Variants in UBA1 observed in about 807,000 individuals in gnomAD.
UBA1 encodes the protein ubiquitin like modifier activating enzyme 1, also known as ubiquitin-like modifier-activating enzyme 1.
UBA1 carries 4 observed loss-of-function variants against 84.7 expected under a neutral mutation model. The ratio of observed to expected loss-of-function variants is 0.05; its 90% CI spans 0.02 to 0.11. The LOEUF (loss-of-function observed/expected upper bound fraction) is 0.11, where lower values mean the gene tolerates loss of function less well. Ranked by LOEUF, UBA1 falls within the 10% of genes least tolerant of loss-of-function variation. The probability of loss-of-function intolerance (pLI) is 1.00; values close to 1 mark genes in which losing one functional copy is unlikely to be tolerated. For missense variants in UBA1, 513 were observed against 902.8 expected, an observed-to-expected ratio of 0.57 and a Z score of 5.53; for synonymous variants, 364 against 362.6, an observed-to-expected ratio of 1.00 and a Z score of -0.04.
In UBA1 at chrX:47,201,376, C is replaced by A. The variant is rs1556787933; in HGVS notation, c.678+10C>A. The A allele has an allele frequency of 1.7e-6, 2 of 1,208,813 alleles. No homozygotes were observed. Among genetic ancestry groups the A allele is most frequent in the Non-Finnish European group, 2.2e-6 (2 of 893,463 alleles). On this transcript the variant is annotated intron_variant, in intron 7 of 25. Coordinates refer to ENST00000335972, the MANE Select transcript of UBA1 (RefSeq NM_003334.4). ...TTCTATGGTTACCAAGGTAAGGAGA[C>A]CAGCCCTAGGGTTCCTGGCAGGCAG...
rs1057515900 is a variant in UBA1 at position 47,215,052 on chromosome X, C to A, written c.*123C>A. 2.0e-6 allele frequency: 2 copies of A among 1,014,472 alleles called. No individual in the cohort carries two copies. Among genetic ancestry groups the A allele is most frequent in the Non-Finnish European group, 2.7e-6 (2 of 732,062 alleles). The allele number at this position is 1,014,472 out of a possible 1,213,427, so 83.6% of individuals were successfully genotyped here. On this transcript the variant is annotated 3_prime_UTR_variant, in exon 26 of 26. Coordinates refer to ENST00000335972, the MANE Select transcript of UBA1 (RefSeq NM_003334.4). ...CAAGTCTGGTGTTCCCTCATCATCCCCCTACCTGAACCCCTCTTGCCACTG... is the reference window on the plus strand; with the variant it reads ...CAAGTCTGGTGTTCCCTCATCATCCACCTACCTGAACCCCTCTTGCCACTG...
chrX:47,209,568 C>T (rs781931837), intron 16 of UBA1, 55 bp from the exon 17 acceptor site: 19 of 1,114,639 alleles, frequency 1.7e-5, no homozygotes, highest in African/African-American at 1.6e-4. Flanking sequence ...ATAATGCCTG[C>T]GGAAACCCAT....
In UBA1 at chrX:47,213,080, G is replaced by A; in HGVS notation, c.2737G>A (p.Val913Met). 1 of 1,212,144 alleles carries A rather than the reference G, an allele frequency of 8.2e-7. No homozygotes were observed. Among genetic ancestry groups the A allele is most frequent in the Non-Finnish European group, 1.1e-6 (1 of 895,592 alleles). ...TGTGTGTCTGGAGCTGTACAAGGTT[G>A]TGCAGGGGCACCGACAGCTTGACTC... ...GLVCLELYKVVQGHRQLDSYK... is the reference protein window; with the variant it reads ...GLVCLELYKVMQGHRQLDSYK... The change falls in exon 23 of 26, where the codon GTG becomes ATG. Residue 913 changes from valine to methionine, a missense_variant. By Grantham distance (21) the Val-to-Met change is conservative. Around this residue, in one of 6 missense-constraint regions of UBA1, gnomAD observed 151 missense variants for 260.1 expected, o/e 0.58. Coordinates refer to ENST00000335972, the MANE Select transcript of UBA1 (RefSeq NM_003334.4).
chrX:47,197,927 G>T, intron 1 of UBA1: 1 of 811,234 alleles, frequency 1.2e-6, no homozygotes, highest in African/African-American at 2.2e-5. Context: ...GTGAGACGAG[G>T]TTTAGAGAAG....
chrX:47,210,130 C>G lies in UBA1; in HGVS notation c.2199+7C>G, dbSNP rs1556792945. The G allele has an allele frequency of 8.3e-7, 1 of 1,211,447 alleles. No individual in the cohort carries two copies. The highest frequency in any genetic ancestry group is 2.2e-5 in the Admixed American group (1 of 46,099). ...CAACTTCCCTCCTGACCAGGTAATG[C>G]CCAGTTGTTGGGTCCATTTGGCAGA... On this transcript the variant is annotated splice_region_variant and intron_variant, in intron 18 of 25. Transcript: ENST00000335972.
intron 20 of UBA1, 47 bp downstream of exon 20, chrX:47,211,272 G>C (rs782121109): frequency 4.3e-6 from 5 of 1,176,450 alleles, no homozygotes; most frequent in Non-Finnish European, 5.7e-6. Context: ...ACATGTCCCC[G>C]GCCTAGTCCA....
In UBA1 at chrX:47,201,217, C is replaced by A; in HGVS notation, c.588-59C>A. On this transcript the variant is annotated intron_variant, in intron 6 of 25. Transcript: ENST00000335972. ...CAAGTTTTCACTACATCTTGAGGGA[C>A]CCGTGGGACCTGTATGTGCATGGGA... The A allele has an allele frequency of 3.9e-6, 4 of 1,038,939 alleles. No homozygotes were observed. The South Asian group carries it at 7.9e-5, about 21-fold the overall frequency. 85.6% of individuals were successfully genotyped at this position (1,038,939 alleles called of 1,213,427 possible).
Position 47,196,977 on chromosome X carries a change from A to C in UBA1, c.1-1826A>C, listed in dbSNP as rs181363260. On this transcript the variant is annotated intron_variant, in intron 1 of 25. Transcript: ENST00000335972. ...CCTTGAAGACAGTTTCATTTGTCCC[A>C]GCTTTTGGAGAAAATGAGGCTCAGA... 1.7e-5 allele frequency: 6 copies of C among 359,743 alleles called. No individual in the cohort carries two copies. The African/African-American group carries it at 1.7e-4, about 10-fold the overall frequency. The allele number at this position is 359,743 out of a possible 1,213,427, so 29.6% of individuals were successfully genotyped here.
chrX:47,208,754 T>C (rs1437374465), intron 16 of UBA1: 8 of 108,577 alleles, frequency 7.4e-5, no homozygotes, highest in Admixed American at 2.9e-4. Context: ...TCCAAAGTGC[T>C]GGGAATACAG....
chrX:47,214,708 A>G (rs782209613), intron 25 of UBA1, 71 bp downstream of exon 25: 445 of 1,188,084 alleles, frequency 3.7e-4, no homozygotes, highest in Non-Finnish European at 4.8e-4. Flanking sequence ...CAGCTGTCCC[A>G]CTCCAGTTCA....
chrX:47,200,507 C>G (rs1284150491), intron 5 of UBA1, among the ~76,000 whole-genome samples: 2 of 111,759 alleles, frequency 1.8e-5, no homozygotes, highest in Non-Finnish European at 3.8e-5. Context: ...TCCCAAAGAT[C>G]ATGGCGGAGC....
In UBA1 at chrX:47,215,037, G is replaced by A; in HGVS notation, c.*108G>A. ...AGTGGCCCAACTAGCCAAGTCTGGT[G>A]TTCCCTCATCATCCCCCTACCTGAA... On this transcript the variant is annotated 3_prime_UTR_variant, in exon 26 of 26. Transcript: ENST00000335972. The A allele has an allele frequency of 9.2e-7, 1 of 1,091,452 alleles. No individual in the cohort carries two copies. Among genetic ancestry groups the A allele is most frequent in the Non-Finnish European group, 1.3e-6 (1 of 798,700 alleles). 89.9% of individuals were successfully genotyped at this position (1,091,452 alleles called of 1,213,427 possible).
At chrX:47,208,704 C>T (rs1174015373) in intron 16 of UBA1, 2 of 104,825 alleles carry the variant, frequency 1.9e-5, no homozygotes, top group African/African-American at 7.0e-5. Flanking sequence ...TCACTGCAGC[C>T]TCCGCCTCCC....
In UBA1 at chrX:47,199,575, C is replaced by T; in HGVS notation, c.441C>T (p.Tyr147=). 8.3e-7 allele frequency: 1 copy of T among 1,211,773 alleles called. No homozygotes were observed. Among genetic ancestry groups the T allele is most frequent in the Non-Finnish European group, 1.1e-6 (1 of 895,376 alleles). The stretch of plus-strand genomic sequence containing the variant: ...ACAGCTATGTGCCTGTCACTGCCTA[C>T]ACTGGACCCCTCGTTGAGGACTTCC... The part of the protein sequence containing the change: ...ELNSYVPVTA[Y]TGPLVEDFLS... Residue 147 remains tyrosine, a synonymous_variant, in exon 5 of 26, where the codon TAC becomes TAT. Coordinates refer to ENST00000335972, the MANE Select transcript of UBA1 (RefSeq NM_003334.4).
At chrX:47,191,209 A>G (rs1244440734), upstream of UBA1, among the ~76,000 whole-genome samples, 5 of 111,344 alleles carry the variant, frequency 4.5e-5, no homozygotes, top group Non-Finnish European at 9.4e-5. Flanking sequence ...GGGTCCGTGT[A>G]TGGGCACCCT....
chrX:47,208,347 A>G (rs1936775365), intron 16 of UBA1, among the ~76,000 whole-genome samples: 2 of 110,210 alleles, frequency 1.8e-5, no homozygotes, highest in Admixed American at 1.9e-4. Context: ...GTGTGTGCGC[A>G]CGCACGCGTG....
chrX:47,205,918 C>A, intron 14 of UBA1, 30 bp from the exon 15 acceptor site: 4 of 1,196,123 alleles, frequency 3.3e-6, no homozygotes, highest in Non-Finnish European at 4.5e-6. Flanking sequence ...CCCATCCCCA[C>A]CCTGGAACTG....
chrX:47,201,947 T>C (rs1936432175), intron 8 of UBA1, among the ~76,000 whole-genome samples: 1 of 111,009 alleles, frequency 9.0e-6, no homozygotes. Flanking sequence ...CCGTGTAGAC[T>C]TGGAGCCAGG....
Position 47,210,784 on chromosome X carries a change from A to T in UBA1, c.2200-58A>T, listed in dbSNP as rs1227358054. The T allele has an allele frequency of 3.5e-6, 4 of 1,129,528 alleles. No homozygotes were observed. In the Admixed American group the frequency reaches 9.4e-5, roughly 26 times the overall value. The allele number at this position is 1,129,528 out of a possible 1,213,427, so 93.1% of individuals were successfully genotyped here. A position where few individuals can be genotyped will look rare whatever the true frequency, so the allele number is the denominator to read the frequency against. On this transcript the variant is annotated intron_variant, in intron 18 of 25. Coordinates refer to ENST00000335972, the MANE Select transcript of UBA1 (RefSeq NM_003334.4). Reference sequence around the variant, plus strand: ...TCTGGGGCCTAGGTGAAGCGTGAAGATTGTCAGAGAGGCCTTCACTCTCAG... The same window carrying T: ...TCTGGGGCCTAGGTGAAGCGTGAAGTTTGTCAGAGAGGCCTTCACTCTCAG...
Sources: gnomAD v4.1 joint callset for allele counts (sites outside exome capture counted in the v4.1 genomes callset) on GRCh38, gnomAD v4.1.1 for gene constraint, gnomAD v4.1.1 regional missense constraint, MANE v1.5 for transcripts, NCBI Gene and HGNC (gene_info 2026-07-23, HGNC 2026-07-21) for gene names.